PPM1L: variants seen among roughly 807,000 people sequenced by gnomAD.
PPM1L encodes the protein protein phosphatase, Mg2+/Mn2+ dependent 1L.
Under a neutral mutation model 31.4 loss-of-function variants are expected in PPM1L, and 13 were observed. That is an observed-to-expected ratio of 0.41 (90% CI 0.27 to 0.66). PPM1L has a LOEUF of 0.66. PPM1L is among the 30% of genes least tolerant of loss of function. PPM1L has a pLI of 0.29. For missense variants in PPM1L, 326 were observed against 453.7 expected (o/e 0.72, Z 2.56); for synonymous variants, 184 against 175.4 (o/e 1.05, Z -0.39).
At position 161,077,093 on chromosome 3, in the gene PPM1L, G is replaced by C. The variant is rs1297308344; in HGVS notation, c.*7936G>C. The stretch of plus-strand genomic sequence containing the variant: ...GGGCTTACACCCTATTGGGGTGTCA[G>C]AGATATTATAACACTCAATATTGAC... On this transcript the variant is annotated 3_prime_UTR_variant, in exon 4 of 4. Transcript: ENST00000498165. 1 of 152,202 alleles carries C rather than the reference G, an allele frequency of 6.6e-6. No homozygotes were observed. The highest frequency in any genetic ancestry group is 1.5e-5 in the Non-Finnish European group (1 of 68,050). 9.4% of individuals were successfully genotyped at this position (152,202 alleles called of 1,614,324 possible). A position where few individuals can be genotyped will look rare whatever the true frequency, so the allele number is the denominator to read the frequency against.
At chr3:160,934,210 T>G (rs775286730) in intron 1 of PPM1L, among the ~76,000 whole-genome samples, 1 of 152,212 alleles carries the variant, frequency 6.6e-6, no homozygotes, top group Non-Finnish European at 1.5e-5. Context: ...AAACACTTAT[T>G]TTTAGCTTTT....
chr3:160,922,183 A>G (rs565208190), intron 1 of PPM1L, among the ~76,000 whole-genome samples: 113 of 152,132 alleles, frequency 7.4e-4, no homozygotes, highest in Non-Finnish European at 1.2e-3. Flanking sequence ...GGTGGCAGGC[A>G]CCTGTAGTCC....
At chr3:160,814,614 TACAC>T (rs917681523) in intron 1 of PPM1L, among the ~76,000 whole-genome samples, 6 of 139,172 alleles carry the variant, frequency 4.3e-5, no homozygotes, top group Admixed American at 2.9e-4. Context: ...TGTATATATA[TACAC>T]ACACATATGT....
intron 1 of PPM1L, among the ~76,000 whole-genome samples, chr3:160,762,582 T>C (rs990105994): frequency 6.6e-6 from 1 of 152,106 alleles, no homozygotes; most frequent in African/African-American, 2.4e-5. Context: ...AATAGCAGAG[T>C]TACAAGATGC....
intron 1 of PPM1L, among the ~76,000 whole-genome samples, chr3:160,841,563 C>T (rs886858681): frequency 2.0e-5 from 3 of 152,284 alleles, no homozygotes; most frequent in Admixed American, 6.5e-5. Context: ...AAAATTATTT[C>T]TGCCCAAACA....
chr3:160,917,824 C>A (rs1032144146), intron 1 of PPM1L, among the ~76,000 whole-genome samples: 1 of 152,142 alleles, frequency 6.6e-6, no homozygotes, highest in Non-Finnish European at 1.5e-5. Context: ...ATAGGGTACA[C>A]CAACAATGTG....
intron 1 of PPM1L, among the ~76,000 whole-genome samples, chr3:160,935,601 CCT>C (rs1686044604): frequency 6.6e-6 from 1 of 152,160 alleles, no homozygotes; most frequent in African/African-American, 2.4e-5. Context: ...CTGCGGCTCC[CCT>C]GTTTGTTTTT....
chr3:160,889,487 T>A (rs913828088), intron 1 of PPM1L, among the ~76,000 whole-genome samples: 7 of 152,070 alleles, frequency 4.6e-5, no homozygotes, highest in African/African-American at 1.7e-4. Flanking sequence ...AATAAAAAGT[T>A]CTGAAATTGA....
intron 1 of PPM1L, among the ~76,000 whole-genome samples, chr3:160,875,124 G>A (rs1712460708): frequency 6.6e-6 from 1 of 152,102 alleles, no homozygotes; most frequent in Non-Finnish European, 1.5e-5. Flanking sequence ...CCAGAATGAT[G>A]GCTATTATAA....
intron 1 of PPM1L, among the ~76,000 whole-genome samples, chr3:160,871,583 G>A (rs756100171): frequency 6.6e-5 from 10 of 152,122 alleles, no homozygotes; most frequent in South Asian, 6.2e-4. Flanking sequence ...TACCATCTTC[G>A]TCTGATTAGG....
chr3:160,945,068 ATG>A (rs1559897668), intron 1 of PPM1L, among the ~76,000 whole-genome samples: 17 of 108,452 alleles, frequency 1.6e-4, no homozygotes, highest in South Asian at 5.9e-4. Flanking sequence ...TATATATAAC[ATG>A]TTATATATAA....
chr3:160,863,688 A>T lies in PPM1L; in HGVS notation c.400-98048A>T, dbSNP rs564060484. Among the ~76,000 whole-genome samples, 46 of 152,292 alleles carry T rather than the reference A, an allele frequency of 3.0e-4. No individual in the cohort carries two copies. In the Middle Eastern group the frequency reaches 0.01, roughly 34 times the overall value. On this transcript the variant is annotated intron_variant, in intron 1 of 3. Coordinates refer to ENST00000498165, the MANE Select transcript of PPM1L (RefSeq NM_139245.4). ...GCTATCAAGTATGTTGTACAGTTTGATCTTTAACAATTTAAAATCAATATT... is the reference window on the plus strand; with the variant it reads ...GCTATCAAGTATGTTGTACAGTTTGTTCTTTAACAATTTAAAATCAATATT...
chr3:160,875,441 C>G (rs1279983694), intron 1 of PPM1L, among the ~76,000 whole-genome samples: 1 of 152,054 alleles, frequency 6.6e-6, no homozygotes, highest in South Asian at 2.1e-4. Flanking sequence ...CTTGGTAGTC[C>G]CCTGTGCAAA....
intron 2 of PPM1L, among the ~76,000 whole-genome samples, chr3:160,996,043 C>A (rs1576769646): frequency 6.6e-6 from 1 of 152,136 alleles, no homozygotes; most frequent in East Asian, 1.9e-4. Context: ...AAAAAATGCT[C>A]AACATCAGTA....
chr3:161,022,311 T>G, intron 2 of PPM1L: 1 of 461,348 alleles, frequency 2.2e-6, no homozygotes, highest in Non-Finnish European at 3.8e-6. Flanking sequence ...TCAACCAAAT[T>G]ATATGCTTAT....
intron 2 of PPM1L, among the ~76,000 whole-genome samples, chr3:160,986,869 T>C (rs558536244): frequency 1.3e-5 from 2 of 152,368 alleles, no homozygotes; most frequent in East Asian, 1.9e-4. Context: ...TTCTTACATA[T>C]TCTTTCTTTC....
In PPM1L at chr3:161,077,800, A is replaced by G. The variant is rs1720154995; in HGVS notation, c.*8643A>G. ...TTTAAGTTTTGTATTTTGAACAAAA[A>G]TAGCAACATCTGTTTTCTGTATGGC... On this transcript the variant is annotated 3_prime_UTR_variant, in exon 4 of 4. Transcript: ENST00000498165. The G allele has an allele frequency of 2.0e-5, 3 of 152,264 alleles. No homozygotes were observed. Among genetic ancestry groups the G allele is most frequent in the African/African-American group, 7.2e-5 (3 of 41,466 alleles). 9.4% of individuals were successfully genotyped at this position (152,264 alleles called of 1,614,324 possible). A position where few individuals can be genotyped will look rare whatever the true frequency, so the allele number is the denominator to read the frequency against.
At chr3:160,876,012 T>C (rs1037050907) in intron 1 of PPM1L, among the ~76,000 whole-genome samples, 3 of 152,090 alleles carry the variant, frequency 2.0e-5, no homozygotes, top group African/African-American at 7.2e-5. Flanking sequence ...TCTTGAAGAG[T>C]TTTAAGGGAC....
intron 1 of PPM1L, among the ~76,000 whole-genome samples, chr3:160,919,027 C>G (rs1714292607): frequency 6.6e-6 from 1 of 152,160 alleles, no homozygotes; most frequent in Non-Finnish European, 1.5e-5. Flanking sequence ...TTATTTAACA[C>G]TGGGATGGTT....
Sources: allele counts gnomAD v4.1 joint callset (sites outside exome capture counted in the v4.1 genomes callset), GRCh38; gene constraint gnomAD v4.1.1; transcripts MANE v1.5; gene names NCBI Gene and HGNC (gene_info 2026-07-23, HGNC 2026-07-21).